Variants in FAM131C observed in about 807,000 individuals in gnomAD.
The protein encoded by FAM131C is protein FAM131C.
Under a neutral mutation model 29.8 loss-of-function variants are expected in FAM131C, and 14 were observed. That is an observed-to-expected ratio of 0.47 (90% CI 0.31 to 0.73). The LOEUF is 0.73. Among genes scored for constraint, FAM131C ranks in the 30% least tolerant of loss-of-function variants. The pLI is 0.05. For missense variants in FAM131C, 252 were observed against 383.8 expected (o/e 0.66, Z 2.87); for synonymous variants, 86 against 157.8 (o/e 0.54, Z 3.41).
intron 1 of FAM131C, 22 bp downstream of exon 1, chr1:16,073,399 G>GC: frequency 1.7e-6 from 2 of 1,198,058 alleles, no homozygotes; most frequent in Non-Finnish European, 2.1e-6. Flanking sequence ...CGATCCCCCC[G>GC]CCCCCGGCCG....
In FAM131C at chr1:16,059,929, C is replaced by T; in HGVS notation, c.391G>A (p.Ala131Thr). The T allele has an allele frequency of 6.2e-7, 1 of 1,610,914 alleles. No individual in the cohort carries two copies. Among genetic ancestry groups the T allele is most frequent in the South Asian group, 1.1e-5 (1 of 90,902 alleles). Residue 131 changes from alanine (A) to threonine (T), a missense_variant, in exon 5 of 7, where the codon GCT becomes ACT. By Grantham distance (58) the Ala-to-Thr change is moderately conservative. Coordinates refer to ENST00000375662, the MANE Select transcript of FAM131C (RefSeq NM_182623.3). ...AQPAGWELSPAEDEHYCCLPD... is the reference protein window; with the variant it reads ...AQPAGWELSPTEDEHYCCLPD... ...AGGCAGCAGTAATGCTCGTCCTCAGCTGGGGACAGCTCCCAGCCTGCCGGC... is the reference window on the plus strand; with the variant it reads ...AGGCAGCAGTAATGCTCGTCCTCAGTTGGGGACAGCTCCCAGCCTGCCGGC...
intron 1 of FAM131C, among the ~76,000 whole-genome samples, chr1:16,065,319 CTT>C (rs1426945260): frequency 6.6e-6 from 1 of 152,182 alleles, no homozygotes; most frequent in Non-Finnish European, 1.5e-5. Flanking sequence ...TTAGCCCTCT[CTT>C]AGGTCTATTC....
Position 16,069,259 on chromosome 1 carries a change from C to A in FAM131C, c.22+4162G>T, listed in dbSNP as rs2124135143. 1.3e-5 allele frequency among the ~76,000 whole-genome samples: 2 copies of A among 152,278 alleles called. 1 individual carries two copies. Among genetic ancestry groups the A allele is most frequent in the South Asian group, 4.1e-4 (2 of 4,822 alleles). On this transcript the variant is annotated intron_variant, in intron 1 of 6. Coordinates refer to ENST00000375662, the MANE Select transcript of FAM131C (RefSeq NM_182623.3). The stretch of plus-strand genomic sequence containing the variant: ...AAGGGTTCATGCATACTGCCTCCCC[C>A]ATTAGGCTACTCCACGGGCAAAGCT...
intron 1 of FAM131C, among the ~76,000 whole-genome samples, chr1:16,066,530 G>A (rs189937202): frequency 3.9e-5 from 6 of 152,308 alleles, no homozygotes; most frequent in African/African-American, 1.2e-4. Context: ...AGGCCATGTT[G>A]TCCAGGCCCT....
chr1:16,073,393 C>A (rs1206809209), intron 1 of FAM131C, 28 bp downstream of exon 1: 6 of 1,185,598 alleles, frequency 5.1e-6, no homozygotes, highest in South Asian at 4.2e-5. Flanking sequence ...GGCACCCGAT[C>A]CCCCCGCCCC....
chr1:16,065,829 C>T (rs546227113), intron 1 of FAM131C, among the ~76,000 whole-genome samples: 35 of 152,308 alleles, frequency 2.3e-4, no homozygotes, highest in African/African-American at 7.2e-4. Context: ...ATCAGTTGTA[C>T]CCAAATCCTC....
rs1172675084 is a variant in FAM131C at position 16,062,121 on chromosome 1, G to A, written c.246C>T (p.Ala82=). The A allele has an allele frequency of 1.2e-6, 2 of 1,611,698 alleles. No individual in the cohort carries two copies. Among genetic ancestry groups the A allele is most frequent in the East Asian group, 2.2e-5 (1 of 44,892 alleles). ...TACCCACAAGGGACGAGGTGGCCAG[G>A]GCTGCCACGTTGTAGTTGCCGGGGC... is the stretch of plus-strand genomic sequence containing the variant. ...RSRPGNYNVA[A]LATSSLVGVV... is the part of the protein sequence containing the mutation. The change falls in exon 4 of 7, where the codon GCC becomes GCT. Residue 82 remains alanine (A), a synonymous_variant. Coordinates refer to ENST00000375662, the MANE Select transcript of FAM131C (RefSeq NM_182623.3).
chr1:16,061,519 G>A (rs1421909542), intron 4 of FAM131C, among the ~76,000 whole-genome samples: 5 of 152,106 alleles, frequency 3.3e-5, no homozygotes, highest in Admixed American at 1.3e-4. Context: ...TAGAGAGGCC[G>A]GGAGGCTACC....
At chr1:16,062,880 T>C (rs61769896) in intron 2 of FAM131C, among the ~76,000 whole-genome samples, 10,743 of 104,584 alleles carry the variant, frequency 0.1, 376 homozygotes, top group African/African-American at 0.19. Context: ...ATTCACCTCA[T>C]GAGTTGTGGT....
intron 6 of FAM131C, 64 bp downstream of exon 6, chr1:16,059,430 G>A: frequency 1.9e-6 from 3 of 1,574,418 alleles, no homozygotes; most frequent in Non-Finnish European, 2.6e-6. Context: ...CTTTGGTGAT[G>A]GGCAGCCATC....
intron 1 of FAM131C, among the ~76,000 whole-genome samples, chr1:16,070,598 C>T (rs2023738501): frequency 6.6e-6 from 1 of 152,084 alleles, no homozygotes; most frequent in African/African-American, 2.4e-5. Flanking sequence ...TCGAGATAAG[C>T]CTGGGCAACA....
Position 16,063,594 on chromosome 1 carries a change from C to T in FAM131C, c.65G>A (p.Gly22Asp), listed in dbSNP as rs1048188956. 11 of 1,613,550 alleles carry T rather than the reference C, an allele frequency of 6.8e-6. No homozygotes were observed. The highest frequency in any genetic ancestry group is 4.5e-5 in the East Asian group (2 of 44,844). ...SAHKNCPMPQ[G>D]ADPLNPDLPS... ...CAGATCTGGGTTCAAGGGGTCCGCA[C>T]CCTGGGGCATGGGGCAGTTCTTGTG... Residue 22 changes from glycine to aspartate, a missense_variant, in exon 2 of 7, where the codon GGT becomes GAT. Physicochemically the swap from Gly to Asp is moderately conservative, Grantham distance 94 (BLOSUM62 -1). Around this residue, in one of 6 missense-constraint regions of FAM131C, gnomAD observed 76 missense variants for 62.8 expected, o/e 1.21. Coordinates refer to ENST00000375662, the MANE Select transcript of FAM131C (RefSeq NM_182623.3).
At position 16,073,456 on chromosome 1, in the gene FAM131C, G is replaced by GGCCGGGCCGCTGC; in HGVS notation, c.-27_-15dup. ...GCAGGAGCCCATCACGGGGCCGCGG[G>GGCCGGGCCGCTGC]GCCGGGCCGCTGCGCCCGGGGTGCG... On this transcript the variant is annotated 5_prime_UTR_variant, in exon 1 of 7. Coordinates refer to ENST00000375662, the MANE Select transcript of FAM131C (RefSeq NM_182623.3). 1 of 1,205,164 alleles carries GGCCGGGCCGCTGC rather than the reference G, an allele frequency of 8.3e-7. No homozygotes were observed. Among genetic ancestry groups the GGCCGGGCCGCTGC allele is most frequent in the Non-Finnish European group, 1.0e-6 (1 of 970,390 alleles). The allele number at this position is 1,205,164 out of a possible 1,614,324, so 74.7% of individuals were successfully genotyped here.
In FAM131C at chr1:16,071,628, G is replaced by A. The variant is rs552901102; in HGVS notation, c.22+1793C>T. ...GCCAGGGGCCCCGTCCTCTCAGGAGGGGGACAAGGCTGGACTATACAATTA... is the reference window on the plus strand; with the variant it reads ...GCCAGGGGCCCCGTCCTCTCAGGAGAGGGACAAGGCTGGACTATACAATTA... On this transcript the variant is annotated intron_variant, in intron 1 of 6. Transcript: ENST00000375662. Among the ~76,000 whole-genome samples the A allele has an allele frequency of 3.4e-3, 520 of 152,314 alleles. 8 individuals are homozygous for A. Among genetic ancestry groups the A allele is most frequent in the Non-Finnish European group, 2.7e-3 (187 of 68,030 alleles).
In FAM131C at chr1:16,058,348, G is replaced by C. The variant is rs114956983; in HGVS notation, c.*89C>G. ...TACCCGAGGGGTCAAGGGATGCCCT[G>C]CCCTGGACCCCGGGGTCCAGATATG... On this transcript the variant is annotated 3_prime_UTR_variant, in exon 7 of 7. Transcript: ENST00000375662. 0.17 allele frequency: 216,783 copies of C among 1,266,706 alleles called. 12,813 individuals are homozygous for C. The highest frequency in any genetic ancestry group is 0.24 in the African/African-American group (14,824 of 61,166). 78.5% of individuals were successfully genotyped at this position (1,266,706 alleles called of 1,614,324 possible).
chr1:16,064,421 C>T (rs758540690), intron 1 of FAM131C, among the ~76,000 whole-genome samples: 5 of 152,196 alleles, frequency 3.3e-5, no homozygotes, highest in Admixed American at 1.3e-4. Context: ...GCACCCAAGA[C>T]CTTCTGGCCC....
At chr1:16,061,198 C>T (rs1030209536) in intron 4 of FAM131C, among the ~76,000 whole-genome samples, 1 of 152,142 alleles carries the variant, frequency 6.6e-6, no homozygotes, top group African/African-American at 2.4e-5. Context: ...CTCCCTCCCA[C>T]CCACTAAGTT....
chr1:16,068,381 G>A (rs973826167), intron 1 of FAM131C, among the ~76,000 whole-genome samples: 5 of 152,234 alleles, frequency 3.3e-5, no homozygotes, highest in African/African-American at 9.6e-5. Context: ...CAAGCAGTCC[G>A]TAAGCAGCAG....
chr1:16,061,972 A>G lies in FAM131C; in HGVS notation c.268+127T>C, dbSNP rs140847725. ...TAACCCAGCATGGACTCTGGCATTTAGAACATGGAGAATCCAATAGGGCTG... is the reference window on the plus strand; with the variant it reads ...TAACCCAGCATGGACTCTGGCATTTGGAACATGGAGAATCCAATAGGGCTG... On this transcript the variant is annotated intron_variant, in intron 4 of 6. Coordinates refer to ENST00000375662, the MANE Select transcript of FAM131C (RefSeq NM_182623.3). The G allele has an allele frequency of 7.3e-3, 6,371 of 867,400 alleles. 196 individuals are homozygous for G. The African/African-American group carries it at 0.088, about 12-fold the overall frequency. The allele number at this position is 867,400 out of a possible 1,614,324, so 53.7% of individuals were successfully genotyped here.
Sources: gnomAD v4.1 joint callset for allele counts (sites outside exome capture counted in the v4.1 genomes callset) on GRCh38, gnomAD v4.1.1 for gene constraint, gnomAD v4.1.1 regional missense constraint, MANE v1.5 for transcripts, NCBI Gene and HGNC (gene_info 2026-07-23, HGNC 2026-07-21) for gene names.